MUC5B: variants seen among roughly 807,000 people sequenced by gnomAD.
MUC5B encodes mucin-5B.
MUC5B carries 116 observed loss-of-function variants against 376.9 expected under a neutral mutation model. That is an observed-to-expected ratio of 0.31 (90% CI 0.26 to 0.36). The LOEUF is 0.36. MUC5B is among the 10% of genes least tolerant of loss of function. The pLI, the probability that MUC5B is intolerant of heterozygous loss-of-function variation, is 1.00. For missense variants in MUC5B, 7,165 were observed against 7,769.9 expected (o/e 0.92, Z 2.93); for synonymous variants, 3,517 against 3,390.9 (o/e 1.04, Z -1.29).
intron 31 of MUC5B, among the ~76,000 whole-genome samples, chr11:1,252,089 A>C (rs2857475): frequency 1.4e-4 from 20 of 139,680 alleles, no homozygotes; most frequent in Non-Finnish European, 2.6e-4. Context: ...GGCCACAATC[A>C]GTCCCCACTG....
chr11:1,229,595 T>C, intron 9 of MUC5B, 95 bp from the exon 10 acceptor site: 1 of 1,131,064 alleles, frequency 8.8e-7, no homozygotes, highest in Non-Finnish European at 1.3e-6. Flanking sequence ...CAGGAATTCC[T>C]CCCCAAGGGA....
chr11:1,247,481 G>T lies in MUC5B; in HGVS notation c.10601G>T (p.Arg3534Met), dbSNP rs71469868. Reference protein sequence around the residue: ...SPGTTTPGHTRGTSRTTATAT... With the variant: ...SPGTTTPGHTMGTSRTTATAT... Reference sequence around the variant, plus strand: ...GGGACGACCACCCCGGGCCACACCAGGGGCACCTCCAGGACCACAGCCACA... The same window carrying T: ...GGGACGACCACCCCGGGCCACACCATGGGCACCTCCAGGACCACAGCCACA... The change falls in exon 31 of 49, where the codon AGG (arginine) becomes ATG (methionine). Residue 3534 changes from arginine to methionine, a missense_variant. Arg to Met is a moderately conservative substitution (Grantham distance 91). Transcript: ENST00000529681. The T allele has an allele frequency of 6.2e-7, 1 of 1,606,318 alleles. No homozygotes were observed. Among genetic ancestry groups the T allele is most frequent in the Non-Finnish European group, 8.5e-7 (1 of 1,176,680 alleles).
In MUC5B at chr11:1,253,484, G is replaced by C. The variant is rs1439069514; in HGVS notation, c.15217+504G>C. Among the ~76,000 whole-genome samples, 2 of 152,128 alleles carry C rather than the reference G, an allele frequency of 1.3e-5. No homozygotes were observed. Among genetic ancestry groups the C allele is most frequent in the African/African-American group, 4.8e-5 (2 of 41,418 alleles). On this transcript the variant is annotated intron_variant, in intron 33 of 48. Transcript: ENST00000529681. This position sits in a 1 kb window ranked among gnomAD's most constrained non-coding sequence, Gnocchi z 4.3. ...CACCGTGCGGGACCCACCGCTAAGA[G>C]GTCACGGCGTTCTCACTCCTCCCCA...
rs1209628845 is a variant in MUC5B, at chr11:1,245,788, C to A, written c.8908C>A (p.His2970Asn). The change falls in exon 31 of 49, where the codon CAC becomes AAC. Residue 2970 changes from histidine (H) to asparagine (N), a missense_variant. By Grantham distance (68) the His-to-Asn change is moderately conservative. Around this residue, in one of 31 missense-constraint regions of MUC5B, gnomAD observed 57 missense variants for 167.2 expected, o/e 0.34. Transcript: ENST00000529681. ...EIRVFCCNYG[H>N]CPSTPATSST... is the part of the protein sequence containing the mutation. Reference sequence around the variant, plus strand: ...CCGTGTGTTCTGCTGCAACTACGGCCACTGCCCCAGCACCCCGGCCACCAG... The same window carrying A: ...CCGTGTGTTCTGCTGCAACTACGGCAACTGCCCCAGCACCCCGGCCACCAG... 1.5e-5 allele frequency: 25 copies of A among 1,612,998 alleles called. No individual in the cohort carries two copies. The Admixed American group carries it at 4.2e-4, about 27-fold the overall frequency.
Position 1,247,622 on chromosome 11 carries a change from T to G in MUC5B, c.10742T>G (p.Leu3581Arg). ...CCCCAGTGTGCCTGGTCAGAGTGGCTGGACTACAGCTACCCCATGCCGGGG... is the reference window on the plus strand; with the variant it reads ...CCCCAGTGTGCCTGGTCAGAGTGGCGGGACTACAGCTACCCCATGCCGGGG... ...CEPQCAWSEW[L>R]DYSYPMPGPS... is the part of the protein sequence containing the mutation. The change falls in exon 31 of 49, where the codon CTG becomes CGG. Residue 3581 changes from leucine to arginine, a missense_variant. Physicochemically the swap from Leu to Arg is moderately radical, Grantham distance 102. Coordinates refer to ENST00000529681, the MANE Select transcript of MUC5B (RefSeq NM_002458.3). The G allele has an allele frequency of 1.9e-6, 3 of 1,610,034 alleles. No homozygotes were observed. Among genetic ancestry groups the G allele is most frequent in the Non-Finnish European group, 2.5e-6 (3 of 1,179,114 alleles).
chr11:1,246,486 A>G lies in MUC5B; in HGVS notation c.9606A>G (p.Thr3202=), dbSNP rs377243134. The change falls in exon 31 of 49, where the codon ACA becomes ACG. Residue 3202 remains threonine (T), a synonymous_variant. Transcript: ENST00000529681. ...AAGTGCTGACCAGCACGGCCACCAC[A>G]CCCACAGTCATCAGCTCCAGAGCCA... ...TLKVLTSTAT[T]PTVISSRATP... The G allele has an allele frequency of 1.5e-5, 24 of 1,612,322 alleles. No individual in the cohort carries two copies. In the African/African-American group the frequency reaches 3.0e-4, roughly 20 times the overall value.
chr11:1,234,617 CCT>C lies in MUC5B; in HGVS notation c.2568_2569del (p.Val858AlafsTer49). 1 of 1,559,720 alleles carries C rather than the reference CCT, an allele frequency of 6.4e-7. No individual in the cohort carries two copies. Among genetic ancestry groups the C allele is most frequent in the Non-Finnish European group, 8.7e-7 (1 of 1,152,624 alleles). On this transcript the variant is annotated frameshift_variant, in exon 21 of 49. Transcript: ENST00000529681. LOFTEE classifies it high-confidence loss of function. The surrounding 1 kb of genome is among the most constrained non-coding windows in gnomAD (Gnocchi z 6.3). ...GGCTGCATTGCCGAGGAGGACTGCC[CCT>C]GTGTGCACAACGAGGCCACCTACAA...
chr11:1,251,126 G>A lies in MUC5B; in HGVS notation c.14246G>A (p.Ser4749Asn). The A allele has an allele frequency of 6.2e-7, 1 of 1,611,106 alleles. No individual in the cohort carries two copies. The highest frequency in any genetic ancestry group is 8.5e-7 in the Non-Finnish European group (1 of 1,178,256). Residue 4749 changes from serine to asparagine, a missense_variant, in exon 31 of 49, where the codon AGC becomes AAC. Ser to Asn is a conservative substitution (Grantham distance 46). Coordinates refer to ENST00000529681, the MANE Select transcript of MUC5B (RefSeq NM_002458.3). ...TSTATKSTAT[S>N]FTPIPSSTLW... ...ACAGCCACAAAATCCACAGCTACCA[G>A]CTTTACACCCATCCCCTCCTCCACC...
intron 14 of MUC5B, 135 bp from the exon 15 acceptor site, chr11:1,231,861 G>C (rs1862036175): frequency 7.9e-7 from 1 of 1,262,762 alleles, no homozygotes; most frequent in African/African-American, 1.5e-5. Flanking sequence ...CTTATCTGCA[G>C]AGGGTTCTGG....
rs766012970 is a variant in MUC5B at position 1,254,704 on chromosome 11, A to C, written c.15488A>C (p.Asp5163Ala). The part of the protein sequence containing the change: ...HGKEEGLILF[D>A]QIPVSSGFSK... ...CCTGGATTCCCCCAGATCCTGTTTG[A>C]CCAAATTCCGGTGAGCAGCGGTTTC... is the stretch of plus-strand genomic sequence containing the variant. The change falls in exon 35 of 49, where the codon GAC becomes GCC. Residue 5163 changes from aspartate (D) to alanine (A), a missense_variant. Physicochemically the swap from Asp to Ala is moderately radical, Grantham distance 126. Around this residue, in one of 31 missense-constraint regions of MUC5B, gnomAD observed 842 missense variants for 1,016.9 expected, o/e 0.83. Coordinates refer to ENST00000529681, the MANE Select transcript of MUC5B (RefSeq NM_002458.3). 3 of 1,612,426 alleles carry C rather than the reference A, an allele frequency of 1.9e-6. No individual in the cohort carries two copies. Among genetic ancestry groups the C allele is most frequent in the Non-Finnish European group, 1.7e-6 (2 of 1,179,584 alleles).
chr11:1,257,586 G>A lies in MUC5B; in HGVS notation c.16326G>A (p.Val5442=). Residue 5442 remains valine (V), a synonymous_variant, in exon 41 of 49, where the codon GTG becomes GTA. Coordinates refer to ENST00000529681, the MANE Select transcript of MUC5B (RefSeq NM_002458.3). The surrounding 1 kb of genome is among the most constrained non-coding windows in gnomAD (Gnocchi z 8.9). Reference sequence around the variant, plus strand: ...CCTGCGTGTGTGACGAGGGTTCAGTGTCGGTGCAGTGCAAGCCCCTGCCCT... The same window carrying A: ...CCTGCGTGTGTGACGAGGGTTCAGTATCGGTGCAGTGCAAGCCCCTGCCCT... The part of the protein sequence containing the change: ...CQSCVCDEGS[V]SVQCKPLPCD... 3.1e-6 allele frequency: 5 copies of A among 1,606,774 alleles called. No individual in the cohort carries two copies. The highest frequency in any genetic ancestry group is 4.2e-6 in the Non-Finnish European group (5 of 1,179,704).
intron 7 of MUC5B, 50 bp downstream of exon 7, chr11:1,227,831 C>T (rs1231234545): frequency 8.8e-6 from 6 of 681,394 alleles, no homozygotes; most frequent in Admixed American, 2.1e-5. Context: ...CCTCCAGGTC[C>T]AGGGGGAGCT....
chr11:1,242,677 G>C lies in MUC5B; in HGVS notation c.5797G>C (p.Ala1933Pro). Residue 1933 changes from alanine to proline, a missense_variant, in exon 31 of 49, where the codon GCT becomes CCT. By Grantham distance (27) the Ala-to-Pro change is conservative. Around this residue, in one of 31 missense-constraint regions of MUC5B, gnomAD observed 897 missense variants for 779.6 expected, o/e 1.15. Coordinates refer to ENST00000529681, the MANE Select transcript of MUC5B (RefSeq NM_002458.3). ...CACCCCGACCTCCACCCTGAGAACA[G>C]CTCCCCCTCCCAAAGTGCTGACCAC... ...TATPTSTLRTAPPPKVLTTTA... is the reference protein window; with the variant it reads ...TATPTSTLRTPPPPKVLTTTA... 1.2e-6 allele frequency: 2 copies of C among 1,613,490 alleles called. No homozygotes were observed. Among genetic ancestry groups the C allele is most frequent in the Non-Finnish European group, 1.7e-6 (2 of 1,179,726 alleles).
chr11:1,241,723 G>C lies in MUC5B; in HGVS notation c.4843G>C (p.Glu1615Gln). 1.9e-6 allele frequency: 3 copies of C among 1,612,388 alleles called. No individual in the cohort carries two copies. Among genetic ancestry groups the C allele is most frequent in the Non-Finnish European group, 2.5e-6 (3 of 1,179,684 alleles). ...GRATTPPPTTELETATTTTTQ... is the reference protein window; with the variant it reads ...GRATTPPPTTQLETATTTTTQ... ...TGCCACAACCCCGCCACCGACCACAGAGCTGGAGACGGCCACCACCACCAC... is the reference window on the plus strand; with the variant it reads ...TGCCACAACCCCGCCACCGACCACACAGCTGGAGACGGCCACCACCACCAC... Residue 1615 changes from glutamate to glutamine, a missense_variant, in exon 31 of 49, where the codon GAG becomes CAG. Physicochemically the swap from Glu to Gln is conservative, Grantham distance 29 (BLOSUM62 2). Coordinates refer to ENST00000529681, the MANE Select transcript of MUC5B (RefSeq NM_002458.3).
At position 1,234,525 on chromosome 11, in the gene MUC5B, A is replaced by G; in HGVS notation, c.2479-4A>G. ...CCTGACCGGTACCTGCCTGGGCCCC[A>G]CAGTTCAGCACACACTGCGTGTCCG... is the stretch of plus-strand genomic sequence containing the variant. On this transcript the variant is annotated splice_region_variant and splice_polypyrimidine_tract_variant and intron_variant, in intron 20 of 48. Transcript: ENST00000529681. The surrounding 1 kb of genome is among the most constrained non-coding windows in gnomAD (Gnocchi z 6.3). 1 of 1,575,866 alleles carries G rather than the reference A, an allele frequency of 6.3e-7. No homozygotes were observed. The highest frequency in any genetic ancestry group is 8.6e-7 in the Non-Finnish European group (1 of 1,161,622).
chr11:1,260,338 T>C lies in MUC5B; in HGVS notation c.16924-13T>C. On this transcript the variant is annotated splice_polypyrimidine_tract_variant and intron_variant, in intron 46 of 48. Coordinates refer to ENST00000529681, the MANE Select transcript of MUC5B (RefSeq NM_002458.3). ...CGCCCACAGCCCTGCCCCCTGTCTT[T>C]GGCCCCCACCAGGGGAGCCTCAGGA... 1 of 1,612,156 alleles carries C rather than the reference T, an allele frequency of 6.2e-7. No homozygotes were observed. Among genetic ancestry groups the C allele is most frequent in the Non-Finnish European group, 8.5e-7 (1 of 1,179,514 alleles).
chr11:1,242,578 A>C lies in MUC5B; in HGVS notation c.5698A>C (p.Thr1900Pro). 6.2e-7 allele frequency: 1 copy of C among 1,613,202 alleles called. No homozygotes were observed. Among genetic ancestry groups the C allele is most frequent in the Non-Finnish European group, 8.5e-7 (1 of 1,179,658 alleles). Residue 1900 changes from threonine (T) to proline (P), a missense_variant, in exon 31 of 49, where the codon ACT becomes CCT. Physicochemically the swap from Thr to Pro is conservative, Grantham distance 38 (BLOSUM62 -1). Around this residue, in one of 31 missense-constraint regions of MUC5B, gnomAD observed 897 missense variants for 779.6 expected, o/e 1.15. Transcript: ENST00000529681. ...CAGCTCCACGGCCACGCCCTCCTCA[A>C]CTCCGGGGACGACCTGGATCCTCAC... ...ATSSTATPSSTPGTTWILTKP... is the reference protein window; with the variant it reads ...ATSSTATPSSPPGTTWILTKP...
At position 1,226,850 on chromosome 11, in the gene MUC5B, C is replaced by T. The variant is rs747683160; in HGVS notation, c.435C>T (p.Asn145=). 37 of 1,607,706 alleles carry T rather than the reference C, an allele frequency of 2.3e-5. No homozygotes were observed. Among genetic ancestry groups the T allele is most frequent in the Middle Eastern group, 1.6e-4 (1 of 6,080 alleles). ...AGGGGCTGGTGCTGGAGGCGTCCAACGGCTCCGTCCTCATCAATGGGCAGC... is the reference window on the plus strand; with the variant it reads ...AGGGGCTGGTGCTGGAGGCGTCCAATGGCTCCGTCCTCATCAATGGGCAGC... ...KAQGLVLEAS[N]GSVLINGQRE... Residue 145 remains asparagine (N), a synonymous_variant, in exon 4 of 49, where the codon AAC becomes AAT. Transcript: ENST00000529681.
In MUC5B at chr11:1,243,804, G is replaced by A. The variant is rs191067481; in HGVS notation, c.6924G>A (p.Thr2308=). The change falls in exon 31 of 49, where the codon ACG becomes ACA. Residue 2308 remains threonine, a synonymous_variant. Transcript: ENST00000529681. ...PSSPTSAPIT[T]VVTMGCEPQC... ...GCCCCACATCGGCCCCCATAACCAC[G>A]GTGGTGACCATGGGCTGTGAGCCCC... The A allele has an allele frequency of 3.0e-4, 491 of 1,611,600 alleles. No individual in the cohort carries two copies. In the East Asian group the frequency reaches 6.1e-3, roughly 20 times the overall value.
Sources: allele counts gnomAD v4.1 joint callset (sites outside exome capture counted in the v4.1 genomes callset), GRCh38; gene constraint gnomAD v4.1.1; regional missense constraint gnomAD v4.1.1; non-coding constraint Gnocchi (gnomAD v3.1); transcripts MANE v1.5; gene names NCBI Gene and HGNC (gene_info 2026-07-23, HGNC 2026-07-21).